Variants in KCNH7 observed in about 807,000 individuals in gnomAD.
The protein encoded by KCNH7 is potassium voltage-gated channel subfamily H member 7.
A neutral mutation model predicts 120.8 loss-of-function variants in KCNH7; 49 were observed. That is an observed-to-expected ratio of 0.41 (90% CI 0.32 to 0.51). KCNH7 has a LOEUF of 0.51. Ranked by LOEUF, KCNH7 falls within the 20% of genes least tolerant of loss-of-function variation. The pLI is 0.38. For synonymous variants in KCNH7, 547 were observed against 516.1 expected, an observed-to-expected ratio of 1.06 and a Z score of -0.81; for missense variants, 1,097 against 1,446.6, an observed-to-expected ratio of 0.76 and a Z score of 3.92.
intron 2 of KCNH7, among the ~76,000 whole-genome samples, chr2:162,661,835 CT>C (rs1299339318): frequency 6.6e-6 from 1 of 152,044 alleles, no homozygotes; most frequent in Non-Finnish European, 1.5e-5. Context: ...TGCATCATCT[CT>C]TTTTCAGAGT....
At chr2:162,815,543 A>G (rs1684886954) in intron 2 of KCNH7, among the ~76,000 whole-genome samples, 1 of 152,336 alleles carries the variant, frequency 6.6e-6, no homozygotes, top group South Asian at 2.1e-4. Context: ...GAATAAAAGA[A>G]AGTGAGAAAC....
intron 8 of KCNH7, among the ~76,000 whole-genome samples, chr2:162,425,404 G>T (rs1031187626): frequency 2.6e-5 from 4 of 152,092 alleles, no homozygotes; most frequent in South Asian, 2.1e-4. Context: ...TCTCTGTAAG[G>T]TAGAGCAGAT....
chr2:162,836,803 G>A, intron 1 of KCNH7, 36 bp from the exon 2 acceptor site: 6 of 1,469,960 alleles, frequency 4.1e-6, no homozygotes, highest in South Asian at 1.2e-5. Flanking sequence ...CTTTGAAAAA[G>A]CTTCCACAAT....
At chr2:162,573,354 A>C (rs1693559964) in intron 2 of KCNH7, among the ~76,000 whole-genome samples, 1 of 152,016 alleles carries the variant, frequency 6.6e-6, no homozygotes, top group Non-Finnish European at 1.5e-5. Context: ...GAAGAAGAGA[A>C]ACTATTAAAC....
At chr2:162,589,506 T>C (rs1255695936) in intron 2 of KCNH7, among the ~76,000 whole-genome samples, 1 of 151,034 alleles carries the variant, frequency 6.6e-6, no homozygotes. Context: ...GAAACAGAAA[T>C]TGAATAATTT....
chr2:162,796,449 T>A (rs2105531101), intron 2 of KCNH7: 1 of 152,228 alleles, frequency 6.6e-6, no homozygotes, highest in Non-Finnish European at 1.5e-5. Flanking sequence ...AGTGAGACGC[T>A]CAACTACCTG....
intron 2 of KCNH7, among the ~76,000 whole-genome samples, chr2:162,755,595 T>A (rs2105441726): frequency 6.6e-6 from 1 of 152,312 alleles, no homozygotes; most frequent in East Asian, 1.9e-4. Context: ...CACTGTGTGA[T>A]CGTGGGCTTT....
At chr2:162,714,483 C>T (rs1687040412) in intron 2 of KCNH7, among the ~76,000 whole-genome samples, 1 of 152,176 alleles carries the variant, frequency 6.6e-6, no homozygotes, top group African/African-American at 2.4e-5. Flanking sequence ...TAATAGCAGT[C>T]CTAACCCTTC....
chr2:162,522,609 T>C (rs1413094031), intron 3 of KCNH7, among the ~76,000 whole-genome samples: 3 of 151,884 alleles, frequency 2.0e-5, no homozygotes, highest in African/African-American at 2.4e-5. Context: ...AAGTTAAGTC[T>C]TCAGATTTTA....
At chr2:162,430,089 C>T (rs1280366318) in intron 8 of KCNH7, among the ~76,000 whole-genome samples, 1 of 151,832 alleles carries the variant, frequency 6.6e-6, no homozygotes, top group Non-Finnish European at 1.5e-5. Context: ...AGTTAAACCA[C>T]TTGAGGATCT....
chr2:162,573,447 A>C (rs1252184223), intron 2 of KCNH7, among the ~76,000 whole-genome samples: 1 of 152,110 alleles, frequency 6.6e-6, no homozygotes, highest in Non-Finnish European at 1.5e-5. Context: ...AAAATAAACG[A>C]AGATCAGGCA....
At chr2:162,732,462 T>C (rs1398520520) in intron 2 of KCNH7, among the ~76,000 whole-genome samples, 3 of 152,008 alleles carry the variant, frequency 2.0e-5, no homozygotes, top group Admixed American at 6.6e-5. Flanking sequence ...ATAAGGAGCG[T>C]TTCACATTTA....
chr2:162,388,791 A>G (rs1686656047), intron 12 of KCNH7, among the ~76,000 whole-genome samples: 1 of 151,992 alleles, frequency 6.6e-6, no homozygotes, highest in Non-Finnish European at 1.5e-5. Flanking sequence ...TGGCAATGGA[A>G]AATCACTAAA....
At chr2:162,701,241 G>A (rs1376486981) in intron 2 of KCNH7, among the ~76,000 whole-genome samples, 1 of 152,028 alleles carries the variant, frequency 6.6e-6, no homozygotes, top group East Asian at 1.9e-4. Flanking sequence ...TTCATTTATA[G>A]TTTATCCAGT....
intron 2 of KCNH7, among the ~76,000 whole-genome samples, chr2:162,673,473 T>TAAG (rs1685430014): frequency 6.6e-6 from 1 of 151,508 alleles, no homozygotes. Flanking sequence ...CCTGTCATGC[T>TAAG]TCTTAATCCC....
intron 6 of KCNH7, among the ~76,000 whole-genome samples, chr2:162,459,698 A>C (rs1009145790): frequency 5.3e-5 from 8 of 152,326 alleles, no homozygotes; most frequent in African/African-American, 1.9e-4. Context: ...ATTAATGTAT[A>C]AAATACCAAT....
chr2:162,710,878 C>A lies in KCNH7; in HGVS notation c.307+125659G>T, dbSNP rs1686903833. ...TAGATTTTAAAAGTTGACTCAAATT[C>A]TTCTAATATATTACAGTTCAAGCAG... On this transcript the variant is annotated intron_variant, in intron 2 of 15. Transcript: ENST00000332142. Among the ~76,000 whole-genome samples the A allele has an allele frequency of 1.3e-5, 2 of 152,218 alleles. 1 individual carries two copies. The highest frequency in any genetic ancestry group is 4.1e-4 in the South Asian group (2 of 4,824).
chr2:162,645,663 C>A (rs1684332627), intron 2 of KCNH7, among the ~76,000 whole-genome samples: 2 of 151,990 alleles, frequency 1.3e-5, no homozygotes, highest in South Asian at 4.2e-4. Context: ...TGTATTTCTC[C>A]CCTACTTTCC....
At chr2:162,434,801 T>C (rs1473483759) in intron 8 of KCNH7, among the ~76,000 whole-genome samples, 5 of 152,064 alleles carry the variant, frequency 3.3e-5, no homozygotes, top group African/African-American at 4.8e-5. Flanking sequence ...ACATTTTTTA[T>C]GTTTGTACAT....
Sources: gnomAD v4.1 joint callset for allele counts (sites outside exome capture counted in the v4.1 genomes callset) on GRCh38, gnomAD v4.1.1 for gene constraint, MANE v1.5 for transcripts, NCBI Gene and HGNC (gene_info 2026-07-23, HGNC 2026-07-21) for gene names.